THRAP3: variants seen among roughly 807,000 people sequenced by gnomAD.
THRAP3 encodes the protein thyroid hormone receptor-associated protein 3.
In THRAP3, 16 loss-of-function variants were observed where a neutral mutation model predicts 101.0. The observed-to-expected ratio is 0.16, with a 90% confidence interval of 0.11 to 0.24. THRAP3 has a LOEUF of 0.24. THRAP3 is among the 10% of genes least tolerant of loss of function. The pLI is 1.00. For synonymous variants in THRAP3, 407 were observed against 422.6 expected (o/e 0.96, Z 0.45); for missense variants, 989 against 1,202.7 (o/e 0.82, Z 2.63).
rs138051808 is a variant in THRAP3, at chr1:36,279,384, A to G, written c.-31-3149A>G. On this transcript the variant is annotated intron_variant, in intron 2 of 11. Coordinates refer to ENST00000354618, the MANE Select transcript of THRAP3 (RefSeq NM_005119.4). Reference sequence around the variant, plus strand: ...GAAATAAAGGTCTCCATTTGGCAAGAGTGAACCCAGAGAACCCCAAAATAA... The same window carrying G: ...GAAATAAAGGTCTCCATTTGGCAAGGGTGAACCCAGAGAACCCCAAAATAA... 2.0e-5 allele frequency among the ~76,000 whole-genome samples: 3 copies of G among 152,356 alleles called. 1 individual carries two copies. The East Asian group carries it at 5.8e-4, about 29-fold the overall frequency.
At chr1:36,218,229 C>T in the THRAP3 span, among the ~76,000 whole-genome samples, 16 of 151,386 alleles carry the variant, frequency 1.1e-4, no homozygotes, top group South Asian at 4.2e-4. Context: ...ATTAGCCAGG[C>T]GTGGTGGCAG....
At chr1:36,271,241 T>G (rs1360736639) in intron 2 of THRAP3, among the ~76,000 whole-genome samples, 1 of 152,226 alleles carries the variant, frequency 6.6e-6, no homozygotes, top group Non-Finnish European at 1.5e-5. Flanking sequence ...TTTAAGAATT[T>G]CAGTACCAAG....
chr1:36,279,451 T>TA (rs1463366913), intron 2 of THRAP3, among the ~76,000 whole-genome samples: 1 of 152,250 alleles, frequency 6.6e-6, no homozygotes, highest in East Asian at 1.9e-4. Context: ...TTTTTATTTT[T>TA]AATATTCTCA....
intron 1 of THRAP3, among the ~76,000 whole-genome samples, chr1:36,233,235 T>C (rs995772621): frequency 6.7e-6 from 1 of 149,032 alleles, no homozygotes; most frequent in Non-Finnish European, 1.5e-5. Context: ...TGGCCTGGCG[T>C]GGTGGCTCAC....
intron 2 of THRAP3, among the ~76,000 whole-genome samples, chr1:36,261,490 G>T (rs1180733631): frequency 4.6e-5 from 7 of 152,152 alleles, no homozygotes; most frequent in Admixed American, 4.6e-4. Flanking sequence ...CTGAGATCGC[G>T]CCATTGCAAT....
chr1:36,236,755 C>A (rs1240557772), intron 1 of THRAP3, among the ~76,000 whole-genome samples: 1 of 152,222 alleles, frequency 6.6e-6, no homozygotes, highest in Non-Finnish European at 1.5e-5. Flanking sequence ...CCTCTCAGCC[C>A]ACAATGGACA....
intron 2 of THRAP3, among the ~76,000 whole-genome samples, chr1:36,279,307 TAGAC>T (rs1359703007): frequency 6.6e-6 from 1 of 152,324 alleles, no homozygotes; most frequent in South Asian, 2.1e-4. Flanking sequence ...AATAGAATGT[TAGAC>T]AGTCTGTTAC....
At chr1:36,266,850 ATATTTATTTATTTATT>A (rs71796650) in intron 2 of THRAP3, among the ~76,000 whole-genome samples, 30 of 144,312 alleles carry the variant, frequency 2.1e-4, no homozygotes, top group East Asian at 1.2e-3. Flanking sequence ...TATAATACGA[ATATTTATTTATTTATT>A]TATTTATTTA....
At chr1:36,263,609 G>T (rs776230970) in intron 2 of THRAP3, among the ~76,000 whole-genome samples, 1 of 152,098 alleles carries the variant, frequency 6.6e-6, no homozygotes, top group Middle Eastern at 3.2e-3. Flanking sequence ...TTTAAAATGG[G>T]GGCTAAAATT....
chr1:36,292,576 G>A (rs1450111138), intron 6 of THRAP3, 22 bp from the exon 7 acceptor site: 2 of 1,593,274 alleles, frequency 1.3e-6, no homozygotes, highest in African/African-American at 2.7e-5. Flanking sequence ...GGCCCATAAT[G>A]TGTTTCTTTT....
At chr1:36,210,746 A>ATCATATATATATATCATATATATATCAT in the THRAP3 span, among the ~76,000 whole-genome samples, 1 of 98,870 alleles carries the variant, frequency 1.0e-5, no homozygotes, top group African/African-American at 3.9e-5. Flanking sequence ...TCATATATAT[A>ATCATATATATATATCATATATATATCAT]AAGTGTCAGC....
At chr1:36,229,237 A>G (rs1328192687) in intron 1 of THRAP3, among the ~76,000 whole-genome samples, 1 of 151,902 alleles carries the variant, frequency 6.6e-6, no homozygotes, top group Non-Finnish European at 1.5e-5. Context: ...AGCTTGGACT[A>G]CAGGTGCCCG....
chr1:36,299,820 T>C (rs2124644049), intron 9 of THRAP3, among the ~76,000 whole-genome samples: 1 of 152,276 alleles, frequency 6.6e-6, no homozygotes, highest in African/African-American at 2.4e-5. Flanking sequence ...GAGACTCTTA[T>C]TTTTGAAAAC....
chr1:36,256,197 T>TATTATC (rs1645372394), intron 1 of THRAP3, among the ~76,000 whole-genome samples: 1 of 117,436 alleles, frequency 8.5e-6, no homozygotes, highest in Non-Finnish European at 1.9e-5. Context: ...GGATTATTAT[T>TATTATC]ATTATTATTA....
intron 2 of THRAP3, among the ~76,000 whole-genome samples, chr1:36,271,052 A>T (rs977839668): frequency 1.3e-5 from 2 of 152,154 alleles, no homozygotes; most frequent in East Asian, 3.8e-4. Context: ...TTCCCGTCTC[A>T]TATCCCTCCT....
chr1:36,227,116 C>T (rs545147356), intron 1 of THRAP3, among the ~76,000 whole-genome samples: 3 of 152,114 alleles, frequency 2.0e-5, no homozygotes, highest in Admixed American at 6.6e-5. Flanking sequence ...ATTTAGTGTG[C>T]TTTCAGAACT....
chr1:36,292,141 C>T (rs1645876264), intron 6 of THRAP3, among the ~76,000 whole-genome samples: 2 of 151,596 alleles, frequency 1.3e-5, no homozygotes, highest in Non-Finnish European at 2.9e-5. Flanking sequence ...TTTTTCCTTC[C>T]TCTTCTCAGT....
the THRAP3 span, among the ~76,000 whole-genome samples, chr1:36,213,950 AG>A: frequency 1.6e-5 from 2 of 124,366 alleles, no homozygotes; most frequent in African/African-American, 7.4e-5. Flanking sequence ...AAAGAAAGAA[AG>A]AAAGAAAGAA....
chr1:36,292,853 A>G (rs542664646), intron 7 of THRAP3, 144 bp downstream of exon 7: 4 of 608,208 alleles, frequency 6.6e-6, no homozygotes, highest in Admixed American at 6.3e-5. Flanking sequence ...AGCTATAGGC[A>G]TTTATATTTG....
Sources: gnomAD v4.1 joint callset for allele counts (sites outside exome capture counted in the v4.1 genomes callset) on GRCh38, gnomAD v4.1.1 for gene constraint, MANE v1.5 for transcripts, NCBI Gene and HGNC (gene_info 2026-07-23, HGNC 2026-07-21) for gene names.